Variants in TRPS1 observed in about 807,000 individuals in gnomAD.
The protein encoded by TRPS1 is zinc finger transcription factor Trps1.
TRPS1 carries 6 observed loss-of-function variants against 101.2 expected under a neutral mutation model. That is an observed-to-expected ratio of 0.06 (90% CI 0.03 to 0.12). The LOEUF (loss-of-function observed/expected upper bound fraction) is 0.12, where lower values mean the gene tolerates loss of function less well. Ranked by LOEUF, TRPS1 falls within the 10% of genes least tolerant of loss-of-function variation. TRPS1 has a pLI of 1.00. For synonymous variants in TRPS1, 578 were observed against 589.8 expected, an observed-to-expected ratio of 0.98 and a Z score of 0.29; for missense variants, 1,363 against 1,567.0, an observed-to-expected ratio of 0.87 and a Z score of 2.20.
intron 4 of TRPS1, among the ~76,000 whole-genome samples, chr8:115,600,578 G>T (rs578027768): frequency 1.3e-5 from 2 of 152,160 alleles, no homozygotes; most frequent in South Asian, 4.2e-4. Flanking sequence ...ATTGGCATTT[G>T]CCCTCAGTGT....
Position 115,412,167 on chromosome 8 carries a change from G to A in TRPS1, c.*1856C>T, listed in dbSNP as rs1200957177. Reference sequence around the variant, plus strand: ...TCTTAAGCATAACAATGTGAGTTAAGAGCTTAAAAATTAAAAAAAAAAAAG... The same window carrying A: ...TCTTAAGCATAACAATGTGAGTTAAAAGCTTAAAAATTAAAAAAAAAAAAG... On this transcript the variant is annotated 3_prime_UTR_variant, in exon 7 of 7. Transcript: ENST00000395715. 6.6e-6 allele frequency: 1 copy of A among 150,500 alleles called. No homozygotes were observed. Among genetic ancestry groups the A allele is most frequent in the African/African-American group, 2.5e-5 (1 of 40,318 alleles). The allele number at this position is 150,500 out of a possible 1,614,324, so 9.3% of individuals were successfully genotyped here. A position where few individuals can be genotyped will look rare whatever the true frequency, so the allele number is the denominator to read the frequency against.
intron 1 of TRPS1, among the ~76,000 whole-genome samples, chr8:115,634,694 A>G (rs1818726475): frequency 6.6e-6 from 1 of 152,096 alleles, no homozygotes; most frequent in African/African-American, 2.4e-5. Flanking sequence ...TGACTTCGTA[A>G]AAGAGTTAAC....
intron 4 of TRPS1, among the ~76,000 whole-genome samples, chr8:115,591,098 A>C (rs1012671001): frequency 6.6e-6 from 1 of 152,204 alleles, no homozygotes. Flanking sequence ...TGAGCAGTTT[A>C]GCCTTTTACT....
At chr8:115,551,105 T>C (rs991250362) in intron 5 of TRPS1, among the ~76,000 whole-genome samples, 7 of 152,062 alleles carry the variant, frequency 4.6e-5, no homozygotes, top group African/African-American at 1.7e-4. Flanking sequence ...GGCACAACAC[T>C]GGAAGTAAAA....
At chr8:115,519,745 A>C (rs1242502872) in intron 5 of TRPS1, among the ~76,000 whole-genome samples, 2 of 151,664 alleles carry the variant, frequency 1.3e-5, no homozygotes, top group Non-Finnish European at 3.0e-5. Context: ...AAACTAAGAA[A>C]AATAAATTAA....
chr8:115,536,437 G>A (rs1183262282), intron 5 of TRPS1, among the ~76,000 whole-genome samples: 1 of 150,888 alleles, frequency 6.6e-6, no homozygotes, highest in Non-Finnish European at 1.5e-5. Context: ...GCAGGAGAAT[G>A]GCGTGAACCC....
chr8:115,513,517 C>G (rs928483186), intron 5 of TRPS1, among the ~76,000 whole-genome samples: 11 of 151,580 alleles, frequency 7.3e-5, no homozygotes, highest in Admixed American at 4.0e-4. Context: ...AAGGCTTTTA[C>G]TTAACAGAGC....
intron 3 of TRPS1, among the ~76,000 whole-genome samples, chr8:115,609,584 C>A (rs1818117190): frequency 6.6e-6 from 1 of 152,200 alleles, no homozygotes; most frequent in South Asian, 2.1e-4. Context: ...TCACCACTGA[C>A]TTGACCTGGC....
intron 5 of TRPS1, among the ~76,000 whole-genome samples, chr8:115,508,188 C>T (rs1451567207): frequency 6.6e-6 from 1 of 151,948 alleles, no homozygotes; most frequent in Non-Finnish European, 1.5e-5. Flanking sequence ...GTGTTTACTA[C>T]AAAGATATAC....
intron 5 of TRPS1, among the ~76,000 whole-genome samples, chr8:115,526,348 C>T (rs1815999122): frequency 6.6e-6 from 1 of 152,080 alleles, no homozygotes; most frequent in Non-Finnish European, 1.5e-5. Context: ...GGGTCATCTA[C>T]TCAAACTGGT....
chr8:115,477,362 T>C (rs191875727), intron 5 of TRPS1, among the ~76,000 whole-genome samples: 1 of 152,364 alleles, frequency 6.6e-6, no homozygotes, highest in East Asian at 1.9e-4. Context: ...TAAGGATACA[T>C]GCACCATTAG....
intron 1 of TRPS1, among the ~76,000 whole-genome samples, chr8:115,664,912 G>A (rs1811886883): frequency 6.6e-6 from 1 of 152,074 alleles, no homozygotes; most frequent in Non-Finnish European, 1.5e-5. Flanking sequence ...ACACACCAGA[G>A]AAATCTTAAT....
chr8:115,562,943 A>G (rs1266507494), intron 5 of TRPS1, among the ~76,000 whole-genome samples: 1 of 136,632 alleles, frequency 7.3e-6, no homozygotes, highest in Non-Finnish European at 1.6e-5. Flanking sequence ...CTCTCTCTCC[A>G]TTAGTTTATT....
At chr8:115,621,334 C>T (rs142189969) in intron 2 of TRPS1, among the ~76,000 whole-genome samples, 9 of 152,238 alleles carry the variant, frequency 5.9e-5, no homozygotes, top group East Asian at 5.8e-4. Flanking sequence ...TAGTTGACTT[C>T]GCCATAAGGA....
At chr8:115,606,463 C>T (rs1818040140) in intron 3 of TRPS1, among the ~76,000 whole-genome samples, 1 of 152,126 alleles carries the variant, frequency 6.6e-6, no homozygotes, top group South Asian at 2.1e-4. Flanking sequence ...TTTCCACAGC[C>T]TTTAATCAAA....
intron 1 of TRPS1, among the ~76,000 whole-genome samples, chr8:115,638,224 A>G (rs1818813799): frequency 6.6e-6 from 1 of 152,206 alleles, no homozygotes; most frequent in Non-Finnish European, 1.5e-5. Flanking sequence ...TCCATTTTAC[A>G]CCAAAACTCC....
chr8:115,622,263 C>A (rs1818412737), intron 2 of TRPS1, among the ~76,000 whole-genome samples: 1 of 151,836 alleles, frequency 6.6e-6, no homozygotes. Flanking sequence ...TTATGTCAAC[C>A]TTTTAGGAGT....
chr8:115,649,493 C>G (rs943577332), intron 1 of TRPS1, among the ~76,000 whole-genome samples: 8 of 152,150 alleles, frequency 5.3e-5, no homozygotes, highest in African/African-American at 1.9e-4. Flanking sequence ...ATAAAGATGA[C>G]AGCAGTTTCT....
At chr8:115,535,144 A>G (rs62513029) in intron 5 of TRPS1, among the ~76,000 whole-genome samples, 1,939 of 27,682 alleles carry the variant, frequency 0.07, 70 homozygotes, top group African/African-American at 0.36. Context: ...TATAGCATAT[A>G]TATAGCATAT....
Sources: allele counts gnomAD v4.1 joint callset (sites outside exome capture counted in the v4.1 genomes callset), GRCh38; gene constraint gnomAD v4.1.1; transcripts MANE v1.5; gene names NCBI Gene and HGNC (gene_info 2026-07-23, HGNC 2026-07-21).